GRB10: variants seen among roughly 807,000 people sequenced by gnomAD.
The protein encoded by GRB10 is growth factor receptor-bound protein 10.
Under a neutral mutation model 80.9 loss-of-function variants are expected in GRB10, and 20 were observed. The ratio of observed to expected loss-of-function variants is 0.25; its 90% CI spans 0.17 to 0.36. The LOEUF is 0.36. Among genes scored for constraint, GRB10 ranks in the 10% least tolerant of loss-of-function variants. The probability of loss-of-function intolerance (pLI) is 1.00; values close to 1 mark genes in which losing one functional copy is unlikely to be tolerated. For missense variants in GRB10, 548 were observed against 747.7 expected (o/e 0.73, Z 3.12); for synonymous variants, 291 against 291.5 (o/e 1.00, Z 0.02).
intron 6 of GRB10, among the ~76,000 whole-genome samples, chr7:50,670,268 G>A (rs926397515): frequency 1.3e-5 from 2 of 149,436 alleles, no homozygotes; most frequent in African/African-American, 5.0e-5. Context: ...GCTGCCAGGG[G>A]ACTAAGGGGA....
At chr7:50,748,752 C>A (rs2153699898) in intron 3 of GRB10, among the ~76,000 whole-genome samples, 1 of 152,162 alleles carries the variant, frequency 6.6e-6, no homozygotes, top group East Asian at 1.9e-4. Context: ...GAATAGGGAC[C>A]AGTTGGGGTA....
At chr7:50,742,598 C>A (rs1387074268) in intron 3 of GRB10, among the ~76,000 whole-genome samples, 5 of 152,160 alleles carry the variant, frequency 3.3e-5, no homozygotes, top group Non-Finnish European at 5.9e-5. Context: ...TGTGTTTCTG[C>A]AAGCCCTTGC....
intron 17 of GRB10, among the ~76,000 whole-genome samples, chr7:50,602,793 T>C (rs757450018): frequency 2.0e-5 from 3 of 152,330 alleles, no homozygotes; most frequent in Non-Finnish European, 4.4e-5. Flanking sequence ...TTAAGTGTAA[T>C]AACATTGCAG....
intron 5 of GRB10, among the ~76,000 whole-genome samples, chr7:50,689,922 A>AC (rs1248682095): frequency 6.6e-6 from 1 of 152,052 alleles, no homozygotes; most frequent in Non-Finnish European, 1.5e-5. Context: ...CTCATGCCAA[A>AC]ATAAGGAAGC....
At chr7:50,716,879 G>A (rs372153717) in intron 4 of GRB10, among the ~76,000 whole-genome samples, 28 of 152,170 alleles carry the variant, frequency 1.8e-4, no homozygotes, top group African/African-American at 6.8e-4. Context: ...AGAGAGAAAA[G>A]GAAGATGGAA....
chr7:50,764,863 T>C (rs1562654646), intron 2 of GRB10, among the ~76,000 whole-genome samples: 1 of 152,174 alleles, frequency 6.6e-6, no homozygotes, highest in Non-Finnish European at 1.5e-5. Flanking sequence ...TATCTGTGGG[T>C]GTCTGCACCC....
intron 18 of GRB10, among the ~76,000 whole-genome samples, chr7:50,593,433 G>A (rs999168903): frequency 6.6e-6 from 1 of 152,118 alleles, no homozygotes. Context: ...CAGTTAACTT[G>A]TAAGTACCCA....
At chr7:50,705,666 G>A (rs2064942895) in intron 4 of GRB10, among the ~76,000 whole-genome samples, 1 of 152,166 alleles carries the variant, frequency 6.6e-6, no homozygotes. Flanking sequence ...CACATATTGT[G>A]TTTTAATATC....
intron 2 of GRB10, among the ~76,000 whole-genome samples, chr7:50,775,004 A>AC (rs1215515132): frequency 6.6e-6 from 1 of 150,838 alleles, no homozygotes; most frequent in African/African-American, 2.4e-5. Flanking sequence ...ACAAAACAAA[A>AC]AAAAAAACTA....
chr7:50,590,330 C>T lies in GRB10; in HGVS notation c.*2622G>A, dbSNP rs949855905. On this transcript the variant is annotated 3_prime_UTR_variant, in exon 19 of 19. Coordinates refer to ENST00000401949, the MANE Select transcript of GRB10 (RefSeq NM_001350814.2). Reference sequence around the variant, plus strand: ...CACAAATCTACCGCCAGCTTGCCCGCCCCCAGAAAGGCGCAGAGATCGGTC... The same window carrying T: ...CACAAATCTACCGCCAGCTTGCCCGTCCCCAGAAAGGCGCAGAGATCGGTC... The T allele has an allele frequency of 6.6e-6, 1 of 152,210 alleles. No individual in the cohort carries two copies. Among genetic ancestry groups the T allele is most frequent in the African/African-American group, 2.4e-5 (1 of 41,454 alleles). 9.4% of individuals were successfully genotyped at this position (152,210 alleles called of 1,614,324 possible).
chr7:50,684,050 A>T (rs977285257), intron 5 of GRB10, among the ~76,000 whole-genome samples: 1 of 152,196 alleles, frequency 6.6e-6, no homozygotes, highest in Non-Finnish European at 1.5e-5. Context: ...AAAACTGTTT[A>T]TCTTTAATGA....
chr7:50,628,155 C>T (rs2053317153), intron 7 of GRB10, among the ~76,000 whole-genome samples: 1 of 152,366 alleles, frequency 6.6e-6, no homozygotes, highest in East Asian at 1.9e-4. Flanking sequence ...AAATCACACA[C>T]AGGCAGCTGA....
chr7:50,760,563 G>A (rs536048522), intron 2 of GRB10, among the ~76,000 whole-genome samples: 41 of 151,922 alleles, frequency 2.7e-4, no homozygotes, highest in South Asian at 1.9e-3. Context: ...TAAAATAAGC[G>A]GTAAGATGGT....
At chr7:50,645,593 T>C (rs2057050482) in intron 7 of GRB10, 1 of 984,938 alleles carries the variant, frequency 1.0e-6, no homozygotes, top group Admixed American at 6.1e-5. Context: ...ACTGTGCACA[T>C]CTTACCCCCA....
chr7:50,678,538 T>A (rs1304980861), intron 5 of GRB10, among the ~76,000 whole-genome samples: 1 of 144,146 alleles, frequency 6.9e-6, no homozygotes, highest in Non-Finnish European at 1.6e-5. Context: ...TCTGTTTAGA[T>A]AATAAAATCA....
intron 5 of GRB10, among the ~76,000 whole-genome samples, chr7:50,701,053 G>GT (rs1179765363): frequency 1.3e-5 from 2 of 151,944 alleles, no homozygotes; most frequent in South Asian, 2.1e-4. Context: ...TTCACATCTT[G>GT]TTTTTTCTTC....
At chr7:50,648,037 T>G (rs1194772117) in intron 7 of GRB10, among the ~76,000 whole-genome samples, 1 of 152,116 alleles carries the variant, frequency 6.6e-6, no homozygotes, top group Non-Finnish European at 1.5e-5. Context: ...AACAGGAGTC[T>G]GGGCCTTGAG....
chr7:50,755,267 C>G (rs80127643), intron 3 of GRB10, among the ~76,000 whole-genome samples: 1,886 of 152,252 alleles, frequency 0.012, 52 homozygotes, highest in African/African-American at 0.043. Context: ...TGTAAGAATC[C>G]CACACCCAGG....
At chr7:50,666,953 T>C (rs1298904283) in intron 7 of GRB10, among the ~76,000 whole-genome samples, 4 of 145,958 alleles carry the variant, frequency 2.7e-5, no homozygotes, top group Non-Finnish European at 5.9e-5. Context: ...GGCAGGAGAC[T>C]GGCGTGAACC....
Sources: allele counts gnomAD v4.1 joint callset (sites outside exome capture counted in the v4.1 genomes callset), GRCh38; gene constraint gnomAD v4.1.1; transcripts MANE v1.5; gene names NCBI Gene and HGNC (gene_info 2026-07-23, HGNC 2026-07-21).